GRID2: variants seen among roughly 807,000 people sequenced by gnomAD.
The protein encoded by GRID2 is glutamate receptor ionotropic, delta-2.
A neutral mutation model predicts 114.8 loss-of-function variants in GRID2; 33 were observed. That is an observed-to-expected ratio of 0.29 (90% CI 0.22 to 0.38). The LOEUF (loss-of-function observed/expected upper bound fraction) is 0.38, where lower values mean the gene tolerates loss of function less well. Ranked by LOEUF, GRID2 falls within the 10% of genes least tolerant of loss-of-function variation. GRID2 has a pLI of 1.00. For missense variants in GRID2, 1,184 were observed against 1,257.7 expected (o/e 0.94, Z 0.89); for synonymous variants, 505 against 449.9 (o/e 1.12, Z -1.55).
intron 1 of GRID2, among the ~76,000 whole-genome samples, chr4:92,482,303 A>G (rs116257376): frequency 0.018 from 2,717 of 151,868 alleles, 43 homozygotes; most frequent in Non-Finnish European, 0.027. Context: ...CAATGGGAGC[A>G]ATAGACACTG....
chr4:93,222,229 T>A (rs1259068321), intron 6 of GRID2, among the ~76,000 whole-genome samples: 1 of 152,004 alleles, frequency 6.6e-6, no homozygotes, highest in African/African-American at 2.4e-5. Context: ...AAGGTAGATT[T>A]AAAAAAGAAT....
chr4:92,774,684 C>T (rs1738704309), intron 2 of GRID2, among the ~76,000 whole-genome samples: 1 of 150,756 alleles, frequency 6.6e-6, no homozygotes, highest in Non-Finnish European at 1.5e-5. Flanking sequence ...TTTTCTCCAC[C>T]TCCCAGTCTC....
chr4:92,951,059 A>G (rs1309800252), intron 2 of GRID2, among the ~76,000 whole-genome samples: 3 of 151,970 alleles, frequency 2.0e-5, no homozygotes, highest in Non-Finnish European at 4.4e-5. Context: ...TCTCTGGAGG[A>G]TTCTTAGTTT....
chr4:93,753,561 T>C (rs1361603542), intron 14 of GRID2, among the ~76,000 whole-genome samples: 1 of 152,164 alleles, frequency 6.6e-6, no homozygotes, highest in Non-Finnish European at 1.5e-5. Flanking sequence ...TTTTCATTGT[T>C]CAGTTCCCAC....
At chr4:92,348,699 T>A (rs547513810) in intron 1 of GRID2, among the ~76,000 whole-genome samples, 1 of 152,274 alleles carries the variant, frequency 6.6e-6, no homozygotes, top group East Asian at 1.9e-4. Context: ...CAGAAGCATA[T>A]TTTAAGAAAG....
At chr4:92,748,806 C>G (rs544071600) in intron 2 of GRID2, among the ~76,000 whole-genome samples, 1 of 151,080 alleles carries the variant, frequency 6.6e-6, no homozygotes, top group African/African-American at 2.4e-5. Context: ...GGATTACAGG[C>G]ACACACCACC....
chr4:92,715,909 G>C (rs951035220), intron 2 of GRID2, among the ~76,000 whole-genome samples: 1 of 152,182 alleles, frequency 6.6e-6, no homozygotes, highest in Non-Finnish European at 1.5e-5. Flanking sequence ...CTGATATGGA[G>C]TGGATATTGA....
chr4:93,673,155 G>T (rs940258383), intron 14 of GRID2, among the ~76,000 whole-genome samples: 1 of 152,034 alleles, frequency 6.6e-6, no homozygotes, highest in East Asian at 1.9e-4. Context: ...AATTATCTAG[G>T]TTATTACAGT....
At chr4:93,630,397 A>G (rs1165137647) in intron 14 of GRID2, among the ~76,000 whole-genome samples, 1 of 152,236 alleles carries the variant, frequency 6.6e-6, no homozygotes, top group South Asian at 2.1e-4. Context: ...TTCATTGTGC[A>G]ATAAATAAAG....
chr4:93,210,005 C>A (rs142960966), intron 5 of GRID2, among the ~76,000 whole-genome samples: 3 of 151,980 alleles, frequency 2.0e-5, no homozygotes, highest in Non-Finnish European at 4.4e-5. Context: ...ATAAATAGAC[C>A]TTTGACAGAT....
At chr4:92,941,077 C>G (rs933957686) in intron 2 of GRID2, among the ~76,000 whole-genome samples, 1 of 152,120 alleles carries the variant, frequency 6.6e-6, no homozygotes, top group African/African-American at 2.4e-5. Context: ...ATGATGCTGG[C>G]CTCATAAAAT....
chr4:92,861,830 C>A (rs914060374), intron 2 of GRID2, among the ~76,000 whole-genome samples: 1 of 152,038 alleles, frequency 6.6e-6, no homozygotes, highest in African/African-American at 2.4e-5. Context: ...CTTCCCACCT[C>A]ATTGAAATAT....
intron 1 of GRID2, among the ~76,000 whole-genome samples, chr4:93,795,968 A>G (rs1734791779): frequency 6.6e-6 from 1 of 152,156 alleles, no homozygotes; most frequent in Non-Finnish European, 1.5e-5. Context: ...GCCTTTCTGG[A>G]GCCCGGAGTT....
intron 14 of GRID2, among the ~76,000 whole-genome samples, chr4:93,654,327 A>G (rs1722824211): frequency 6.6e-6 from 1 of 152,186 alleles, no homozygotes; most frequent in Admixed American, 6.5e-5. Context: ...GAGTGCATTT[A>G]GTAATTTGCC....
intron 1 of GRID2, among the ~76,000 whole-genome samples, chr4:92,408,170 A>T (rs1579310860): frequency 6.6e-6 from 1 of 152,210 alleles, no homozygotes; most frequent in South Asian, 2.1e-4. Flanking sequence ...ATGGCTAGCC[A>T]TTTATCCCAG....
chr4:93,551,216 A>G lies in GRID2; in HGVS notation c.2193+35805A>G, dbSNP rs111676781. Among the ~76,000 whole-genome samples, 671 of 152,332 alleles carry G rather than the reference A, an allele frequency of 4.4e-3. 5 individuals carry two copies. The highest frequency in any genetic ancestry group is 6.8e-3 in the Middle Eastern group (2 of 294). On this transcript the variant is annotated intron_variant, in intron 13 of 15. Transcript: ENST00000282020. ...GGAGGAAATGGACAACTGAACAAGA[A>G]ATAATATAACTCAACATTGAAATAA...
intron 2 of GRID2, among the ~76,000 whole-genome samples, chr4:92,708,566 A>G (rs914468729): frequency 5.3e-5 from 8 of 152,216 alleles, no homozygotes; most frequent in African/African-American, 1.9e-4. Context: ...CTCATCTGCA[A>G]TAAAAATTGT....
At chr4:93,267,089 C>T (rs977568373) in intron 8 of GRID2, among the ~76,000 whole-genome samples, 8 of 151,784 alleles carry the variant, frequency 5.3e-5, no homozygotes, top group Non-Finnish European at 1.0e-4. Context: ...CTTCCAGTTT[C>T]ATCCATGTTG....
At chr4:93,718,394 C>A (rs1353079582) in intron 14 of GRID2, among the ~76,000 whole-genome samples, 1 of 152,140 alleles carries the variant, frequency 6.6e-6, no homozygotes, top group East Asian at 1.9e-4. Context: ...AAAATGACAA[C>A]TTTTAAGAAA....
Sources: allele counts gnomAD v4.1 joint callset (sites outside exome capture counted in the v4.1 genomes callset), GRCh38; gene constraint gnomAD v4.1.1; transcripts MANE v1.5; gene names NCBI Gene and HGNC (gene_info 2026-07-23, HGNC 2026-07-21).